Variants in PLXNA2 observed in about 807,000 individuals in gnomAD.
PLXNA2 encodes the protein plexin-A2.
In PLXNA2, 91 loss-of-function variants were observed where a neutral mutation model predicts 193.5. The ratio of observed to expected loss-of-function variants is 0.47; its 90% CI spans 0.40 to 0.56. PLXNA2 has a LOEUF of 0.56. Ranked by LOEUF, PLXNA2 falls within the 20% of genes least tolerant of loss-of-function variation. PLXNA2 has a pLI of 0.00. For missense variants in PLXNA2, 1,995 were observed against 2,503.2 expected (o/e 0.80, Z 4.33); for synonymous variants, 997 against 1,027.3 (o/e 0.97, Z 0.56).
At chr1:208,066,465 G>T (rs1665798854) in intron 12 of PLXNA2, among the ~76,000 whole-genome samples, 1 of 152,268 alleles carries the variant, frequency 6.6e-6, no homozygotes, top group Non-Finnish European at 1.5e-5. Context: ...ATACGACGAT[G>T]GTTCTTTAAG....
At chr1:208,066,364 A>G (rs975640770) in intron 12 of PLXNA2, among the ~76,000 whole-genome samples, 9 of 152,130 alleles carry the variant, frequency 5.9e-5, no homozygotes, top group Non-Finnish European at 1.3e-4. Flanking sequence ...CCCGCCCCTC[A>G]CACTTGGGAC....
chr1:208,078,364 T>C (rs908409663), intron 12 of PLXNA2, among the ~76,000 whole-genome samples: 1 of 152,172 alleles, frequency 6.6e-6, no homozygotes, highest in Non-Finnish European at 1.5e-5. Flanking sequence ...CAATATTCTG[T>C]GACATAGGTG....
At chr1:208,103,473 G>A (rs565424445) in intron 4 of PLXNA2, among the ~76,000 whole-genome samples, 3 of 152,278 alleles carry the variant, frequency 2.0e-5, no homozygotes, top group South Asian at 4.1e-4. Flanking sequence ...TCTTGCCTTC[G>A]CGAGAGGTAG....
At chr1:208,049,896 T>A (rs1665200284) in intron 17 of PLXNA2, among the ~76,000 whole-genome samples, 1 of 152,162 alleles carries the variant, frequency 6.6e-6, no homozygotes, top group African/African-American at 2.4e-5. Context: ...GTCAAGCCCC[T>A]GAAGGTCAAA....
chr1:208,074,578 T>A (rs1237680842), intron 12 of PLXNA2, among the ~76,000 whole-genome samples: 1 of 152,206 alleles, frequency 6.6e-6, no homozygotes, highest in African/African-American at 2.4e-5. Flanking sequence ...GTGGGCCTGG[T>A]TGCCATGGAG....
chr1:208,239,955 A>G (rs985931976), intron 1 of PLXNA2, among the ~76,000 whole-genome samples: 1 of 152,110 alleles, frequency 6.6e-6, no homozygotes, highest in African/African-American at 2.4e-5. Flanking sequence ...GAAGGGGGGT[A>G]TGGGGGAACA....
At chr1:208,219,526 C>A (rs929014207) in intron 1 of PLXNA2, among the ~76,000 whole-genome samples, 2 of 151,170 alleles carry the variant, frequency 1.3e-5, no homozygotes, top group Non-Finnish European at 3.0e-5. Flanking sequence ...TGGAAACACC[C>A]GAAGGATGGA....
intron 13 of PLXNA2, among the ~76,000 whole-genome samples, chr1:208,059,970 G>A (rs1375547841): frequency 2.6e-5 from 4 of 152,178 alleles, no homozygotes; most frequent in Non-Finnish European, 5.9e-5. Flanking sequence ...CCCCTGCAGA[G>A]CTGTGTTCAC....
rs769389909 is a variant in PLXNA2 at position 208,038,320 on chromosome 1, G to T, written c.4764+51C>A. The T allele has an allele frequency of 3.1e-6, 4 of 1,280,340 alleles. No individual in the cohort carries two copies. Among genetic ancestry groups the T allele is most frequent in the Non-Finnish European group, 4.6e-6 (4 of 875,288 alleles). 79.3% of individuals were successfully genotyped at this position (1,280,340 alleles called of 1,614,324 possible). Reference sequence around the variant, plus strand: ...TGAGGCCTTAGAGCAAGGCTTAGCGGGAAGGGAACATTCTGGGAAGCTGAA... The same window carrying T: ...TGAGGCCTTAGAGCAAGGCTTAGCGTGAAGGGAACATTCTGGGAAGCTGAA... On this transcript the variant is annotated intron_variant, in intron 26 of 31. Transcript: ENST00000367033. The surrounding 1 kb of genome is among the most constrained non-coding windows in gnomAD (Gnocchi z 4.1).
At chr1:208,163,499 C>A (rs1669199466) in intron 3 of PLXNA2, among the ~76,000 whole-genome samples, 1 of 152,076 alleles carries the variant, frequency 6.6e-6, no homozygotes, top group Admixed American at 6.5e-5. Context: ...GAGAGCTCAC[C>A]TTTGCCTGGG....
chr1:208,238,674 G>GA (rs921036656), intron 1 of PLXNA2, among the ~76,000 whole-genome samples: 4 of 152,282 alleles, frequency 2.6e-5, no homozygotes, highest in African/African-American at 9.6e-5. Flanking sequence ...AGAATATGAA[G>GA]AAAAAGATTA....
At chr1:208,137,597 A>G (rs1224143632) in intron 4 of PLXNA2, among the ~76,000 whole-genome samples, 1 of 152,182 alleles carries the variant, frequency 6.6e-6, no homozygotes, top group Non-Finnish European at 1.5e-5. Context: ...ACTTTCTAGG[A>G]AAGAGCCAGG....
chr1:208,084,403 TG>T lies in PLXNA2; in HGVS notation c.2274del (p.Ser759AlafsTer39). ...HRVPALRFNS[S>X]SVQCQNSSYQ... ...ACCGAGCTGTTCTGACACTGAACGC[TG>T]GAGCTGTTGAAGCGCAGAGCGGGGA... On this transcript the variant is annotated frameshift_variant, in exon 10 of 32. Coordinates refer to ENST00000367033, the MANE Select transcript of PLXNA2 (RefSeq NM_025179.4). LOFTEE classifies it high-confidence loss of function. 3 of 1,614,272 alleles carry T rather than the reference TG, an allele frequency of 1.9e-6. No individual in the cohort carries two copies. Among genetic ancestry groups the T allele is most frequent in the Non-Finnish European group, 2.5e-6 (3 of 1,180,040 alleles).
intron 3 of PLXNA2, among the ~76,000 whole-genome samples, chr1:208,174,450 G>C (rs1406011769): frequency 6.6e-6 from 1 of 152,014 alleles, no homozygotes; most frequent in Non-Finnish European, 1.5e-5. Flanking sequence ...AGGGAGGGAA[G>C]AAGGCATTGT....
Position 208,040,004 on chromosome 1 carries a change from G to A in PLXNA2, c.4341C>T (p.His1447=). The A allele has an allele frequency of 1.9e-6, 3 of 1,614,070 alleles. No individual in the cohort carries two copies. Among genetic ancestry groups the A allele is most frequent in the Non-Finnish European group, 2.5e-6 (3 of 1,179,944 alleles). ...MLTNWFAFLL[H]KFLKECAGEP... is the part of the protein sequence containing the mutation. ...CTCCCTTTCTCACCTTTAGGAACTTGTGCAGGAGGAAGGCGAACCAATTGG... is the reference window on the plus strand; with the variant it reads ...CTCCCTTTCTCACCTTTAGGAACTTATGCAGGAGGAAGGCGAACCAATTGG... The change falls in exon 23 of 32, where the codon CAC becomes CAT. Residue 1447 remains histidine (H), a synonymous_variant. Transcript: ENST00000367033.
At position 208,036,875 on chromosome 1, in the gene PLXNA2, T is replaced by C. The variant is rs149804296; in HGVS notation, c.4764+1496A>G. On this transcript the variant is annotated intron_variant, in intron 26 of 31. Coordinates refer to ENST00000367033, the MANE Select transcript of PLXNA2 (RefSeq NM_025179.4). Reference sequence around the variant, plus strand: ...AGGCTGGAAAGCCCAGTAACAAGCATTAGAGTATCAGAGACAGAAGCAGAA... The same window carrying C: ...AGGCTGGAAAGCCCAGTAACAAGCACTAGAGTATCAGAGACAGAAGCAGAA... 3.1e-3 allele frequency among the ~76,000 whole-genome samples: 477 copies of C among 152,276 alleles called. 6 individuals carry two copies. The highest frequency in any genetic ancestry group is 9.7e-3 in the African/African-American group (404 of 41,562).
chr1:208,054,543 G>A lies in PLXNA2; in HGVS notation c.2739-5C>T. 1 of 1,608,654 alleles carries A rather than the reference G, an allele frequency of 6.2e-7. No individual in the cohort carries two copies. Among genetic ancestry groups the A allele is most frequent in the African/African-American group, 1.3e-5 (1 of 74,976 alleles). ...TGGCCCATCTCACAGACAATCCTGG[G>A]GAGAAAGCAAACCTTCTGGTGAGGG... is the stretch of plus-strand genomic sequence containing the variant. On this transcript the variant is annotated splice_region_variant and splice_polypyrimidine_tract_variant and intron_variant, in intron 13 of 31. Transcript: ENST00000367033.
chr1:208,204,771 G>A (rs1670665001), intron 3 of PLXNA2, among the ~76,000 whole-genome samples: 1 of 152,208 alleles, frequency 6.6e-6, no homozygotes, highest in African/African-American at 2.4e-5. Context: ...TGAATCTCAA[G>A]GGAGGTAGAC....
intron 12 of PLXNA2, among the ~76,000 whole-genome samples, chr1:208,068,393 G>C (rs1360835853): frequency 1.3e-5 from 2 of 152,178 alleles, no homozygotes; most frequent in African/African-American, 4.8e-5. Context: ...TTTCTGGTTT[G>C]ATTCCTCATC....
Sources: gnomAD v4.1 joint callset for allele counts (sites outside exome capture counted in the v4.1 genomes callset) on GRCh38, gnomAD v4.1.1 for gene constraint, Gnocchi (gnomAD v3.1) non-coding constraint, MANE v1.5 for transcripts, NCBI Gene and HGNC (gene_info 2026-07-23, HGNC 2026-07-21) for gene names.